The following ZNF343 variants were observed in gnomAD, a reference collection of about 807,000 sequenced individuals.
ZNF343 encodes zinc finger protein 343.
ZNF343 carries 11 observed loss-of-function variants against 13.8 expected under a neutral mutation model. The observed-to-expected ratio is 0.80, with a 90% CI of 0.50 to 1.32. The LOEUF is 1.32. Ranked by LOEUF, ZNF343 falls within the 40% of genes most tolerant of loss-of-function variation. The probability of loss-of-function intolerance (pLI) is 0.00; values close to 1 mark genes in which losing one functional copy is unlikely to be tolerated. For synonymous variants in ZNF343, 248 were observed against 260.0 expected (o/e 0.95, Z 0.44); for missense variants, 658 against 714.2 (o/e 0.92, Z 0.90).
At chr20:2,520,662 G>A (rs568351222) in intron 1 of ZNF343, among the ~76,000 whole-genome samples, 1 of 152,154 alleles carries the variant, frequency 6.6e-6, no homozygotes, top group Non-Finnish European at 1.5e-5. Flanking sequence ...AGAATCAGTG[G>A]GAAATGGGTC....
upstream of ZNF343, among the ~76,000 whole-genome samples, chr20:2,511,549 C>T (rs1160821111): frequency 1.3e-5 from 2 of 152,066 alleles, no homozygotes; most frequent in Non-Finnish European, 2.9e-5. Flanking sequence ...TTATTCATCA[C>T]GTGAATAAAA....
chr20:2,503,275 T>A (rs373060529), intron 1 of ZNF343, among the ~76,000 whole-genome samples: 2 of 152,180 alleles, frequency 1.3e-5, no homozygotes, highest in African/African-American at 4.8e-5. Context: ...TAAATATATA[T>A]GCACCCAACA....
chr20:2,522,353 T>C (rs2085786278), intron 1 of ZNF343, among the ~76,000 whole-genome samples: 1 of 152,250 alleles, frequency 6.6e-6, no homozygotes, highest in Admixed American at 6.5e-5. Context: ...GATTCTTAGC[T>C]TGTTTGCAAA....
At chr20:2,484,976 C>T (rs1299701336) in intron 5 of ZNF343, among the ~76,000 whole-genome samples, 1 of 152,080 alleles carries the variant, frequency 6.6e-6, no homozygotes, top group African/African-American at 2.4e-5. Flanking sequence ...GCTCTTTGTT[C>T]TGCTTGGAGA....
chr20:2,507,572 G>C (rs946055675), intron 1 of ZNF343, among the ~76,000 whole-genome samples: 1 of 152,150 alleles, frequency 6.6e-6, no homozygotes, highest in South Asian at 2.1e-4. Flanking sequence ...TCCTCAAATT[G>C]ACAATGCTAG....
chr20:2,520,823 T>C (rs182543559), intron 1 of ZNF343, among the ~76,000 whole-genome samples: 26 of 152,044 alleles, frequency 1.7e-4, no homozygotes, highest in Middle Eastern at 3.4e-3. Context: ...GAAGAGAATA[T>C]TGGGGACAGT....
intron 4 of ZNF343, 37 bp from the exon 5 acceptor site, chr20:2,492,862 C>A: frequency 6.2e-7 from 1 of 1,607,866 alleles, no homozygotes; most frequent in Non-Finnish European, 8.5e-7. Context: ...TAGCAAGCCA[C>A]CATCAATCTT....
intron 1 of ZNF343, among the ~76,000 whole-genome samples, chr20:2,503,503 T>C (rs1324024060): frequency 2.0e-5 from 3 of 152,178 alleles, no homozygotes; most frequent in African/African-American, 7.2e-5. Context: ...CAACAGAATA[T>C]ACATTCTTCT....
intron 4 of ZNF343, chr20:2,493,056 G>T: frequency 3.7e-6 from 2 of 544,750 alleles, no homozygotes. Context: ...TGACATATAT[G>T]ATTTCACCGG....
upstream of ZNF343, among the ~76,000 whole-genome samples, chr20:2,510,061 T>G (rs144087779): frequency 6.6e-6 from 1 of 152,362 alleles, no homozygotes; most frequent in Non-Finnish European, 1.5e-5. Flanking sequence ...GAGTTTAGCT[T>G]AGGTGCCTAG....
At chr20:2,515,781 A>T (rs1445458538) in intron 1 of ZNF343, among the ~76,000 whole-genome samples, 1 of 152,200 alleles carries the variant, frequency 6.6e-6, no homozygotes, top group African/African-American at 2.4e-5. Flanking sequence ...CTTGGGCATG[A>T]ACTTCAACCT....
In ZNF343 at chr20:2,484,353, C is replaced by A. The variant is rs759461876; in HGVS notation, c.608G>T (p.Ser203Ile). 2 of 1,614,116 alleles carry A rather than the reference C, an allele frequency of 1.2e-6. No individual in the cohort carries two copies. The highest frequency in any genetic ancestry group is 4.5e-5 in the East Asian group (2 of 44,896). ...FPSPLQRQSA[S>I]PRKGNMVVET... ...TACCACCATGTTGCCTTTTCTAGGACTTGCTGACTGTCTTTGGAGTGGGCT... is the reference window on the plus strand; with the variant it reads ...TACCACCATGTTGCCTTTTCTAGGAATTGCTGACTGTCTTTGGAGTGGGCT... Residue 203 changes from serine to isoleucine, a missense_variant, in exon 6 of 6, where the codon AGT becomes ATT. Coordinates refer to ENST00000278772, the MANE Select transcript of ZNF343 (RefSeq NM_024325.6).
intron 5 of ZNF343, among the ~76,000 whole-genome samples, chr20:2,489,009 C>A (rs2085324633): frequency 6.6e-6 from 1 of 152,184 alleles, no homozygotes; most frequent in Non-Finnish European, 1.5e-5. Context: ...CATGCCACTG[C>A]ACTCCAGCCT....
intron 5 of ZNF343, among the ~76,000 whole-genome samples, chr20:2,488,664 C>G (rs932378715): frequency 1.3e-5 from 2 of 152,068 alleles, no homozygotes; most frequent in Admixed American, 1.3e-4. Flanking sequence ...ATGTGAATTT[C>G]AGAAAAGAAT....
intron 1 of ZNF343, among the ~76,000 whole-genome samples, chr20:2,521,312 C>A (rs2085781313): frequency 6.6e-6 from 1 of 152,174 alleles, no homozygotes; most frequent in South Asian, 2.1e-4. Flanking sequence ...GACTCTGGGG[C>A]AGAAAGTGGA....
Position 2,483,454 on chromosome 20 carries a change from T to C in ZNF343, c.1507A>G (p.Ser503Gly). ...TGTCTGATGAGATTTGACTTCTGGCTAAAACCTCGCCTACACTCCCTGCAG... is the reference window on the plus strand; with the variant it reads ...TGTCTGATGAGATTTGACTTCTGGCCAAAACCTCGCCTACACTCCCTGCAG... ...YVCRECRRGF[S>G]QKSNLIRHQR... The change falls in exon 6 of 6, where the codon AGC (serine) becomes GGC (glycine). Residue 503 changes from serine to glycine, a missense_variant. Physicochemically the swap from Ser to Gly is moderately conservative, Grantham distance 56. Transcript: ENST00000278772. The C allele has an allele frequency of 6.2e-7, 1 of 1,608,554 alleles. No individual in the cohort carries two copies. The highest frequency in any genetic ancestry group is 8.5e-7 in the Non-Finnish European group (1 of 1,178,384).
At position 2,508,076 on chromosome 20, in the gene ZNF343, C is replaced by A. The variant is rs1332512745; in HGVS notation, c.-237+805G>T. On this transcript the variant is annotated intron_variant, in intron 1 of 5. Coordinates refer to ENST00000278772, the MANE Select transcript of ZNF343 (RefSeq NM_024325.6). The surrounding 1 kb of genome is among the most constrained non-coding windows in gnomAD (Gnocchi z 4.5). Reference sequence around the variant, plus strand: ...AGCACAGGGGGCACCTCCCACATGACACACCTTGAGACAACAGGTCCCAGA... The same window carrying A: ...AGCACAGGGGGCACCTCCCACATGAAACACCTTGAGACAACAGGTCCCAGA... 6.6e-6 allele frequency among the ~76,000 whole-genome samples: 1 copy of A among 152,052 alleles called. No individual in the cohort carries two copies. The highest frequency in any genetic ancestry group is 2.4e-5 in the African/African-American group (1 of 41,380).
chr20:2,497,160 T>C (rs1183355708), intron 2 of ZNF343, among the ~76,000 whole-genome samples: 1 of 152,174 alleles, frequency 6.6e-6, no homozygotes, highest in Non-Finnish European at 1.5e-5. Flanking sequence ...CAAAGTTTGA[T>C]GTTTGAGACT....
At chr20:2,495,140 C>T (rs2085436544) in intron 2 of ZNF343, among the ~76,000 whole-genome samples, 1 of 152,186 alleles carries the variant, frequency 6.6e-6, no homozygotes, top group Non-Finnish European at 1.5e-5. Flanking sequence ...TGTAATTCAT[C>T]CCTCAACACC....
Sources: gnomAD v4.1 joint callset for allele counts (sites outside exome capture counted in the v4.1 genomes callset) on GRCh38, gnomAD v4.1.1 for gene constraint, Gnocchi (gnomAD v3.1) non-coding constraint, MANE v1.5 for transcripts, NCBI Gene and HGNC (gene_info 2026-07-23, HGNC 2026-07-21) for gene names.